PDGFC: variants seen among roughly 807,000 people sequenced by gnomAD.
The protein encoded by PDGFC is platelet derived growth factor C.
PDGFC carries 12 observed loss-of-function variants against 35.5 expected under a neutral mutation model. That is an observed-to-expected ratio of 0.34 (90% CI 0.22 to 0.55). The LOEUF (loss-of-function observed/expected upper bound fraction) is 0.55, where lower values mean the gene tolerates loss of function less well. PDGFC is among the 20% of genes least tolerant of loss of function. The pLI is 0.91. For missense variants in PDGFC, 322 were observed against 412.4 expected (o/e 0.78, Z 1.90); for synonymous variants, 159 against 148.8 (o/e 1.07, Z -0.50).
intron 3 of PDGFC, among the ~76,000 whole-genome samples, chr4:156,792,877 AT>A (rs1304494913): frequency 2.0e-5 from 3 of 152,154 alleles, no homozygotes; most frequent in African/African-American, 7.2e-5. Flanking sequence ...TCCAGAGGGT[AT>A]GAAGGAAACC....
intron 1 of PDGFC, among the ~76,000 whole-genome samples, chr4:156,874,618 A>G (rs986975524): frequency 1.3e-4 from 20 of 152,122 alleles, no homozygotes; most frequent in Non-Finnish European, 2.6e-4. Flanking sequence ...AAGCCAACAC[A>G]CTTGAGAAAA....
intron 2 of PDGFC, among the ~76,000 whole-genome samples, chr4:156,844,697 T>C (rs1729283937): frequency 1.3e-5 from 2 of 152,056 alleles, no homozygotes; most frequent in Non-Finnish European, 2.9e-5. Context: ...TTAGGCGTAA[T>C]ATACTTCTTG....
chr4:156,883,443 A>G (rs1011643900), intron 1 of PDGFC, among the ~76,000 whole-genome samples: 4 of 152,200 alleles, frequency 2.6e-5, no homozygotes, highest in Non-Finnish European at 5.9e-5. Flanking sequence ...GCTACATTGC[A>G]TTCTCTTTCA....
intron 3 of PDGFC, among the ~76,000 whole-genome samples, chr4:156,797,193 G>A (rs780994176): frequency 3.3e-5 from 5 of 150,616 alleles, no homozygotes; most frequent in African/African-American, 1.2e-4. Flanking sequence ...AGCAGAGATC[G>A]CGCCACTGCA....
At chr4:156,915,419 G>C (rs1222709828) in intron 1 of PDGFC, among the ~76,000 whole-genome samples, 2 of 151,860 alleles carry the variant, frequency 1.3e-5, no homozygotes, top group Non-Finnish European at 2.9e-5. Context: ...TCTCAAAAGG[G>C]GGAAATGCAA....
intron 3 of PDGFC, among the ~76,000 whole-genome samples, chr4:156,804,872 GAATC>G (rs1346415610): frequency 1.3e-5 from 2 of 151,942 alleles, no homozygotes; most frequent in Non-Finnish European, 2.9e-5. Flanking sequence ...TATAAAATAT[GAATC>G]AATCAAACCT....
chr4:156,851,169 G>A (rs1475774848), intron 1 of PDGFC, among the ~76,000 whole-genome samples: 8 of 152,160 alleles, frequency 5.3e-5, no homozygotes, highest in Non-Finnish European at 1.0e-4. Context: ...AGAGCTTCAC[G>A]TGAACTGGAA....
intron 2 of PDGFC, among the ~76,000 whole-genome samples, chr4:156,823,595 T>C (rs1270679783): frequency 6.6e-6 from 1 of 152,200 alleles, no homozygotes; most frequent in Non-Finnish European, 1.5e-5. Flanking sequence ...TACAATAGTG[T>C]GAGTTTATGG....
At chr4:156,812,156 T>C (rs1731950831) in intron 2 of PDGFC, among the ~76,000 whole-genome samples, 1 of 152,064 alleles carries the variant, frequency 6.6e-6, no homozygotes, top group Non-Finnish European at 1.5e-5. Flanking sequence ...GTTACTCACT[T>C]GGAAAAACAT....
chr4:156,772,184 G>T (rs2110815064), intron 4 of PDGFC, among the ~76,000 whole-genome samples: 1 of 152,188 alleles, frequency 6.6e-6, no homozygotes, highest in South Asian at 2.1e-4. Flanking sequence ...TTTATGTTGG[G>T]TCGTTGCCAT....
At chr4:156,938,610 T>C (rs565802124) in intron 1 of PDGFC, among the ~76,000 whole-genome samples, 33 of 152,178 alleles carry the variant, frequency 2.2e-4, no homozygotes, top group Middle Eastern at 3.4e-3. Flanking sequence ...GCATGTTTAA[T>C]AACATACATA....
chr4:156,919,805 C>A (rs1731231297), intron 1 of PDGFC, among the ~76,000 whole-genome samples: 1 of 152,190 alleles, frequency 6.6e-6, no homozygotes, highest in African/African-American at 2.4e-5. Context: ...AGGAACAGAG[C>A]TGTCCTTATT....
chr4:156,854,370 A>G (rs1246546080), intron 1 of PDGFC, among the ~76,000 whole-genome samples: 1 of 152,146 alleles, frequency 6.6e-6, no homozygotes, highest in East Asian at 1.9e-4. Context: ...TATATACTTA[A>G]GTTTGTGTTT....
At chr4:156,817,160 A>T (rs1377006431) in intron 2 of PDGFC, among the ~76,000 whole-genome samples, 3 of 152,188 alleles carry the variant, frequency 2.0e-5, no homozygotes, top group Non-Finnish European at 4.4e-5. Flanking sequence ...ACTAAAAAAA[A>T]ACTACAAATA....
At chr4:156,941,806 G>C (rs1731813159) in intron 1 of PDGFC, among the ~76,000 whole-genome samples, 1 of 152,022 alleles carries the variant, frequency 6.6e-6, no homozygotes, top group Admixed American at 6.6e-5. Context: ...ACAATTCTGA[G>C]AGTCCTGAGA....
intron 2 of PDGFC, among the ~76,000 whole-genome samples, chr4:156,825,378 G>A (rs1234813614): frequency 2.4e-5 from 3 of 126,888 alleles, no homozygotes; most frequent in African/African-American, 7.0e-5. Context: ...GTGAAACCCC[G>A]TTTCTACCAA....
intron 1 of PDGFC, among the ~76,000 whole-genome samples, chr4:156,956,239 G>T (rs1010171301): frequency 2.6e-5 from 4 of 151,994 alleles, no homozygotes; most frequent in African/African-American, 9.7e-5. Flanking sequence ...GGTCAGTTTT[G>T]TGTAATTTTT....
chr4:156,910,539 T>C (rs1405226006), intron 1 of PDGFC, among the ~76,000 whole-genome samples: 3 of 152,152 alleles, frequency 2.0e-5, no homozygotes, highest in Non-Finnish European at 2.9e-5. Flanking sequence ...CTTTCACTTA[T>C]CTGAAATAAA....
chr4:156,954,907 C>T (rs890298941), intron 1 of PDGFC, among the ~76,000 whole-genome samples: 2 of 152,008 alleles, frequency 1.3e-5, no homozygotes, highest in African/African-American at 4.8e-5. Flanking sequence ...GGGCTGTTTT[C>T]ACTTCACTTA....
Sources: gnomAD v4.1 joint callset for allele counts (sites outside exome capture counted in the v4.1 genomes callset) on GRCh38, gnomAD v4.1.1 for gene constraint, MANE v1.5 for transcripts, NCBI Gene and HGNC (gene_info 2026-07-23, HGNC 2026-07-21) for gene names.